Variants in ASH1L observed in about 807,000 individuals in gnomAD.
ASH1L encodes ASH1 like histone lysine methyltransferase.
A neutral mutation model predicts 269.0 loss-of-function variants in ASH1L; 23 were observed. The observed-to-expected ratio is 0.09, with a 90% confidence interval of 0.06 to 0.12. ASH1L has a LOEUF of 0.12. ASH1L is among the 10% of genes least tolerant of loss of function. ASH1L has a pLI of 1.00. For synonymous variants in ASH1L, 1,187 were observed against 1,253.5 expected (o/e 0.95, Z 1.12); for missense variants, 2,912 against 3,567.8 (o/e 0.82, Z 4.68).
chr1:155,414,925 A>G (rs1660084338), intron 6 of ASH1L, among the ~76,000 whole-genome samples: 1 of 152,176 alleles, frequency 6.6e-6, no homozygotes, highest in Non-Finnish European at 1.5e-5. Context: ...TACTCTGCCA[A>G]GATAATACAA....
chr1:155,554,613 C>T (rs1401248232), intron 1 of ASH1L, among the ~76,000 whole-genome samples: 1 of 151,858 alleles, frequency 6.6e-6, no homozygotes, highest in Non-Finnish European at 1.5e-5. Flanking sequence ...CCTTATGTTG[C>T]CCCCAGGCTG....
At chr1:155,379,035 T>A (rs998246576) in intron 8 of ASH1L, among the ~76,000 whole-genome samples, 2 of 150,386 alleles carry the variant, frequency 1.3e-5, no homozygotes, top group Non-Finnish European at 3.0e-5. Flanking sequence ...ATTTAGTGAA[T>A]AAAGGAGAGA....
At chr1:155,346,335 C>T (rs1315155144) in intron 21 of ASH1L, 48 bp downstream of exon 21, 3 of 1,570,992 alleles carry the variant, frequency 1.9e-6, no homozygotes, top group Middle Eastern at 1.7e-4. Flanking sequence ...ATACCATGTG[C>T]TACCTCTCCT....
chr1:155,463,247 G>A (rs528043590), intron 3 of ASH1L, among the ~76,000 whole-genome samples: 7 of 152,112 alleles, frequency 4.6e-5, no homozygotes, highest in Admixed American at 6.6e-5. Context: ...AGTCGAGTGC[G>A]ATATCGTGTT....
In ASH1L at chr1:155,481,549, T is replaced by C; in HGVS notation, c.1321A>G (p.Ser441Gly). 2 of 1,614,204 alleles carry C rather than the reference T, an allele frequency of 1.2e-6. No homozygotes were observed. Among genetic ancestry groups the C allele is most frequent in the Non-Finnish European group, 1.7e-6 (2 of 1,180,018 alleles). Residue 441 changes from serine to glycine, a missense_variant, in exon 3 of 28, where the codon AGT (serine) becomes GGT (glycine). This residue lies in a region of ASH1L where 715 missense variants were observed against 721.0 expected (regional missense o/e 0.99). Coordinates refer to ENST00000392403, the MANE Select transcript of ASH1L (RefSeq NM_018489.3). ...PTQEPLKASC[S>G]TNINNQESQE... ...CTTTCCTGATTATTGATGTTTGTAC[T>C]ACAAGAAGCCTTAAGCGGTTCCTGA...
In ASH1L at chr1:155,562,345, G is replaced by T; in HGVS notation, c.-292C>A. 1 of 1,545,622 alleles carries T rather than the reference G, an allele frequency of 6.5e-7. No homozygotes were observed. ...AGGGAAAGGTGGAAGGCTAAAGGGGGCAAACTGAGGGGAGGCGGGTCCCGC... is the reference window on the plus strand; with the variant it reads ...AGGGAAAGGTGGAAGGCTAAAGGGGTCAAACTGAGGGGAGGCGGGTCCCGC... On this transcript the variant is annotated 5_prime_UTR_variant, in exon 1 of 28. Coordinates refer to ENST00000392403, the MANE Select transcript of ASH1L (RefSeq NM_018489.3).
chr1:155,455,862 T>C (rs1663827557), intron 4 of ASH1L, among the ~76,000 whole-genome samples: 1 of 152,216 alleles, frequency 6.6e-6, no homozygotes, highest in Non-Finnish European at 1.5e-5. Flanking sequence ...GGTCAGGAAC[T>C]CCTTTTTCTT....
intron 2 of ASH1L, among the ~76,000 whole-genome samples, chr1:155,509,429 A>T (rs1668024268): frequency 6.6e-6 from 1 of 152,202 alleles, no homozygotes; most frequent in South Asian, 2.1e-4. Flanking sequence ...ATCAGACTAG[A>T]ACCAAGTACA....
At position 155,562,563 on chromosome 1, in the gene ASH1L, C is replaced by T; in HGVS notation, c.-510G>A. The stretch of plus-strand genomic sequence containing the variant: ...CCTTGCGTTCTTTCCCACCGTCCCC[C>T]GCTCCGCCCGACTCCGTCCGCGTAG... On this transcript the variant is annotated 5_prime_UTR_variant, in exon 1 of 28. Transcript: ENST00000392403. The T allele has an allele frequency of 1.3e-6, 2 of 1,529,514 alleles. No individual in the cohort carries two copies. The highest frequency in any genetic ancestry group is 1.8e-6 in the Non-Finnish European group (2 of 1,140,744). 94.7% of individuals were successfully genotyped at this position (1,529,514 alleles called of 1,614,324 possible).
At chr1:155,540,882 C>G (rs1427447169) in intron 1 of ASH1L, among the ~76,000 whole-genome samples, 1 of 152,176 alleles carries the variant, frequency 6.6e-6, no homozygotes, top group African/African-American at 2.4e-5. Context: ...TTAGAACATA[C>G]AGTTAGTTCT....
intron 7 of ASH1L, among the ~76,000 whole-genome samples, chr1:155,389,377 G>A (rs1657711041): frequency 6.6e-6 from 1 of 151,606 alleles, no homozygotes; most frequent in Admixed American, 6.6e-5. Context: ...GTTTATTTAA[G>A]ACTTTAAAAA....
intron 2 of ASH1L, among the ~76,000 whole-genome samples, chr1:155,489,171 T>C (rs1666568466): frequency 6.6e-6 from 1 of 152,168 alleles, no homozygotes; most frequent in Non-Finnish European, 1.5e-5. Flanking sequence ...AGTTTCTGGC[T>C]TTTTGTTACT....
At chr1:155,459,525 T>C (rs1030535732) in intron 4 of ASH1L, among the ~76,000 whole-genome samples, 2 of 152,158 alleles carry the variant, frequency 1.3e-5, no homozygotes, top group African/African-American at 4.8e-5. Flanking sequence ...TCTAAATCTT[T>C]ATTAAACAGC....
At chr1:155,354,346 GGC>G in intron 16 of ASH1L, 125 bp downstream of exon 16, 3 of 787,770 alleles carry the variant, frequency 3.8e-6, no homozygotes, top group Non-Finnish European at 5.8e-6. Context: ...AGGAGGCTGA[GGC>G]AGGATAATTG....
chr1:155,535,081 C>T (rs545305920), intron 1 of ASH1L, among the ~76,000 whole-genome samples: 200 of 151,578 alleles, frequency 1.3e-3, no homozygotes, highest in South Asian at 2.3e-3. Context: ...CCCAACTACT[C>T]GGGAGGCTGA....
At chr1:155,541,991 A>C (rs1670453331) in intron 1 of ASH1L, among the ~76,000 whole-genome samples, 1 of 152,186 alleles carries the variant, frequency 6.6e-6, no homozygotes, top group African/African-American at 2.4e-5. Flanking sequence ...CCAAGGCTAA[A>C]AATCTTGATG....
chr1:155,546,945 C>CTTTTTTTT (rs71080709), intron 1 of ASH1L, among the ~76,000 whole-genome samples: 1 of 88,162 alleles, frequency 1.1e-5, no homozygotes. Flanking sequence ...TCATCACATT[C>CTTTTTTTT]TTTTTTTTTT....
rs1020441443 is a variant in ASH1L, at chr1:155,394,360, G to A, written c.6103+1099C>T. On this transcript the variant is annotated intron_variant, in intron 7 of 27. Coordinates refer to ENST00000392403, the MANE Select transcript of ASH1L (RefSeq NM_018489.3). ...AGTCAAGAAGTTTGCATTTTAATCT[G>A]ATGGTAAGCCATGCAAAGCTTTTAA... Among the ~76,000 whole-genome samples the A allele has an allele frequency of 2.6e-5, 4 of 152,190 alleles. No individual in the cohort carries two copies. The East Asian group carries it at 7.7e-4, about 29-fold the overall frequency.
intron 4 of ASH1L, among the ~76,000 whole-genome samples, chr1:155,448,431 T>G (rs1663192996): frequency 6.6e-6 from 1 of 152,184 alleles, no homozygotes; most frequent in Non-Finnish European, 1.5e-5. Flanking sequence ...TTAAGTAGTC[T>G]TTTCCCTGCC....
Sources: allele counts gnomAD v4.1 joint callset (sites outside exome capture counted in the v4.1 genomes callset), GRCh38; gene constraint gnomAD v4.1.1; regional missense constraint gnomAD v4.1.1; transcripts MANE v1.5; gene names NCBI Gene and HGNC (gene_info 2026-07-23, HGNC 2026-07-21).